The following ZNF710 variants were observed in gnomAD, a reference collection of about 807,000 sequenced individuals.
ZNF710 encodes zinc finger protein 710.
In ZNF710, 13 loss-of-function variants were observed where a neutral mutation model predicts 50.6. That is an observed-to-expected ratio of 0.26 (90% confidence interval 0.17 to 0.41). The LOEUF (loss-of-function observed/expected upper bound fraction) is 0.41, where lower values mean the gene tolerates loss of function less well. Among genes scored for constraint, ZNF710 ranks in the 10% least tolerant of loss-of-function variants. The pLI, the probability that ZNF710 is intolerant of heterozygous loss-of-function variation, is 1.00. For missense variants in ZNF710, 721 were observed against 936.6 expected, an observed-to-expected ratio of 0.77 and a Z score of 3.01; for synonymous variants, 383 against 397.0, an observed-to-expected ratio of 0.96 and a Z score of 0.42.
rs923492166 is a variant in ZNF710, at chr15:90,062,668, C to T, written c.-28-4442C>T. ...GTTTAGCCTGGGAGATGGAACAGAG[C>T]GGGTGAGGAGACACGAGGCACAATG... On this transcript the variant is annotated intron_variant, in intron 1 of 4. Coordinates refer to ENST00000268154, the MANE Select transcript of ZNF710 (RefSeq NM_198526.4). This position sits in a 1 kb window ranked among gnomAD's most constrained non-coding sequence, Gnocchi z 5.6. 2.6e-5 allele frequency among the ~76,000 whole-genome samples: 4 copies of T among 152,136 alleles called. No individual in the cohort carries two copies. The highest frequency in any genetic ancestry group is 2.1e-4 in the South Asian group (1 of 4,830).
At chr15:90,030,797 A>G (rs1347308964) in intron 1 of ZNF710, among the ~76,000 whole-genome samples, 2 of 151,992 alleles carry the variant, frequency 1.3e-5, no homozygotes, top group African/African-American at 2.4e-5. Flanking sequence ...CAGGCAGATC[A>G]TGAGGTCAGG....
intron 1 of ZNF710, among the ~76,000 whole-genome samples, chr15:90,047,143 T>TGTGAACAAGCTTTA (rs60620252): frequency 0.26 from 39,041 of 151,892 alleles, 5,958 homozygotes; most frequent in East Asian, 0.72. Context: ...GGTCCGAGTT[T>TGTGAACAAGCTTTA]GAGGCAGGCA....
rs752735833 is a variant in ZNF710, at chr15:90,051,645, ATAAT to A, written c.-28-15452_-28-15449del. On this transcript the variant is annotated intron_variant, in intron 1 of 4. Transcript: ENST00000268154. ...GAGACTTTGTCTCAAAATAATAATA[ATAAT>A]TAATTAATTAATAAAAGCAGAGGCA... Among the ~76,000 whole-genome samples, 21 of 152,256 alleles carry A rather than the reference ATAAT, an allele frequency of 1.4e-4. 1 individual carries two copies. Among genetic ancestry groups the A allele is most frequent in the African/African-American group, 3.9e-4 (16 of 41,532 alleles).
At position 90,059,763 on chromosome 15, in the gene ZNF710, A is replaced by G. The variant is rs563985757; in HGVS notation, c.-28-7347A>G. Among the ~76,000 whole-genome samples the G allele has an allele frequency of 6.6e-6, 1 of 152,184 alleles. No individual in the cohort carries two copies. The highest frequency in any genetic ancestry group is 2.4e-5 in the African/African-American group (1 of 41,444). The stretch of plus-strand genomic sequence containing the variant: ...TCTCGCTTCCTCTTCCCTTCTGCGC[A>G]TGTGAGTAGAGTTTCCCTTGAAGCC... On this transcript the variant is annotated intron_variant, in intron 1 of 4. Transcript: ENST00000268154. This position sits in a 1 kb window ranked among gnomAD's most constrained non-coding sequence, Gnocchi z 4.1.
intron 1 of ZNF710, among the ~76,000 whole-genome samples, chr15:90,036,035 G>T (rs956776502): frequency 1.2e-4 from 18 of 152,130 alleles, no homozygotes; most frequent in African/African-American, 4.3e-4. Context: ...GAGCTGCTTG[G>T]CATCCTGAGA....
chr15:90,072,960 A>G, intron 2 of ZNF710, 111 bp from the exon 3 acceptor site: 1 of 1,113,048 alleles, frequency 9.0e-7, no homozygotes, highest in African/African-American at 1.6e-5. Context: ...ATTTCCCAGA[A>G]AGTGTGCCTT....
At chr15:90,026,214 A>G (rs933877384) in intron 1 of ZNF710, among the ~76,000 whole-genome samples, 1 of 147,144 alleles carries the variant, frequency 6.8e-6, no homozygotes, top group Admixed American at 6.9e-5. Flanking sequence ...TGGCAATTCT[A>G]TTTGAGAAAT....
intron 1 of ZNF710, among the ~76,000 whole-genome samples, chr15:90,019,629 A>C (rs187326526): frequency 7.5e-4 from 114 of 152,294 alleles, no homozygotes; most frequent in Non-Finnish European, 1.3e-3. Context: ...GTTGGCTGAG[A>C]GTAAATGGCA....
chr15:90,016,592 C>G (rs1287783639), intron 1 of ZNF710, among the ~76,000 whole-genome samples: 1 of 152,162 alleles, frequency 6.6e-6, no homozygotes, highest in African/African-American at 2.4e-5. Flanking sequence ...CAGGCATGTA[C>G]CATCATGCCT....
At chr15:90,021,020 C>A (rs965407310) in intron 1 of ZNF710, among the ~76,000 whole-genome samples, 10 of 146,524 alleles carry the variant, frequency 6.8e-5, no homozygotes, top group Middle Eastern at 3.2e-3. Flanking sequence ...CCCCCCCCCC[C>A]TTAGCAGCCT....
intron 1 of ZNF710, among the ~76,000 whole-genome samples, chr15:90,047,872 C>T: frequency 6.6e-6 from 1 of 152,186 alleles, no homozygotes; most frequent in East Asian, 1.9e-4. Flanking sequence ...CAGGCATGAG[C>T]CACTGCACCC....
intron 1 of ZNF710, among the ~76,000 whole-genome samples, chr15:90,048,447 CT>C (rs1899535648): frequency 6.6e-6 from 1 of 152,212 alleles, no homozygotes; most frequent in South Asian, 2.1e-4. Flanking sequence ...AGGAGGGTGA[CT>C]TGCTTCCTGG....
At chr15:90,052,162 C>T (rs1265633539) in intron 1 of ZNF710, among the ~76,000 whole-genome samples, 4 of 152,252 alleles carry the variant, frequency 2.6e-5, no homozygotes, top group Non-Finnish European at 5.9e-5. Context: ...TGATCCCTGG[C>T]GCAGCAACGC....
rs1426074393 is a variant in ZNF710 at position 90,068,025 on chromosome 15, G to A, written c.888G>A (p.Gln296=). ...VEAGDRQKRW[Q]CRMCEKSYTS... The stretch of plus-strand genomic sequence containing the variant: ...CGGGCGACCGCCAGAAGCGCTGGCA[G>A]TGCCGCATGTGCGAGAAGTCCTACA... Residue 296 remains glutamine, a synonymous_variant, in exon 2 of 5, where the codon CAG becomes CAA. Transcript: ENST00000268154. This position sits in a 1 kb window ranked among gnomAD's most constrained non-coding sequence, Gnocchi z 5.0. The A allele has an allele frequency of 6.2e-7, 1 of 1,614,222 alleles. No individual in the cohort carries two copies. The highest frequency in any genetic ancestry group is 8.5e-7 in the Non-Finnish European group (1 of 1,180,042).
At chr15:90,051,238 CAAA>C (rs61250352) in intron 1 of ZNF710, among the ~76,000 whole-genome samples, 3 of 79,062 alleles carry the variant, frequency 3.8e-5, no homozygotes, top group Admixed American at 1.4e-4. Context: ...GACTCCGTCT[CAAA>C]AAAAAAAAAA....
At chr15:90,042,273 T>G (rs1002870352) in intron 1 of ZNF710, among the ~76,000 whole-genome samples, 1 of 152,074 alleles carries the variant, frequency 6.6e-6, no homozygotes, top group South Asian at 2.1e-4. Flanking sequence ...TCCTGGGGCC[T>G]GTTCCAGCGA....
chr15:90,071,291 G>A (rs1314003703), intron 2 of ZNF710, among the ~76,000 whole-genome samples: 1 of 150,776 alleles, frequency 6.6e-6, no homozygotes, highest in Non-Finnish European at 1.5e-5. Flanking sequence ...CAAGTCCACA[G>A]AGTGTTAATA....
At chr15:90,041,434 T>C (rs541263510) in intron 1 of ZNF710, among the ~76,000 whole-genome samples, 1 of 152,274 alleles carries the variant, frequency 6.6e-6, no homozygotes, top group African/African-American at 2.4e-5. Context: ...CAAGCGATCC[T>C]CCTCCCTTGG....
At chr15:90,057,051 C>T (rs939899116) in intron 1 of ZNF710, among the ~76,000 whole-genome samples, 1 of 152,122 alleles carries the variant, frequency 6.6e-6, no homozygotes, top group African/African-American at 2.4e-5. Context: ...GCTCTCTGCC[C>T]CTTTGTGTTC....
Sources: allele counts gnomAD v4.1 joint callset (sites outside exome capture counted in the v4.1 genomes callset), GRCh38; gene constraint gnomAD v4.1.1; non-coding constraint Gnocchi (gnomAD v3.1); transcripts MANE v1.5; gene names NCBI Gene and HGNC (gene_info 2026-07-23, HGNC 2026-07-21).